The following ROBO1 variants were observed in gnomAD, a reference collection of about 807,000 sequenced individuals.
ROBO1 encodes the protein roundabout homolog 1.
ROBO1 carries 149 observed loss-of-function variants against 195.9 expected under a neutral mutation model. The observed-to-expected ratio is 0.76, with a 90% CI of 0.67 to 0.87. The LOEUF (loss-of-function observed/expected upper bound fraction) is 0.87, where lower values mean the gene tolerates loss of function less well. Among genes scored for constraint, ROBO1 ranks in the 40% least tolerant of loss-of-function variants. The probability of loss-of-function intolerance (pLI) is 0.00; values close to 1 mark genes in which losing one functional copy is unlikely to be tolerated. For missense variants in ROBO1, 1,933 were observed against 2,068.3 expected (o/e 0.93, Z 1.27); for synonymous variants, 816 against 733.2 (o/e 1.11, Z -1.82).
At chr3:78,634,550 A>T in intron 23 of ROBO1, 1 of 324,840 alleles carries the variant, frequency 3.1e-6, no homozygotes, top group Non-Finnish European at 6.5e-6. Flanking sequence ...GCTTACAAGC[A>T]GTATAAACAA....
At chr3:78,860,302 C>CTCTA (rs2034735528) in intron 4 of ROBO1, among the ~76,000 whole-genome samples, 1 of 104,752 alleles carries the variant, frequency 9.5e-6, no homozygotes, top group East Asian at 2.7e-4. Flanking sequence ...TTGAAATATA[C>CTCTA]TATATATATA....
chr3:78,886,614 T>C (rs538442489), intron 4 of ROBO1, among the ~76,000 whole-genome samples: 1 of 151,272 alleles, frequency 6.6e-6, no homozygotes, highest in East Asian at 1.9e-4. Context: ...AAAATTGTAC[T>C]CTGCACTTGT....
intron 10 of ROBO1, among the ~76,000 whole-genome samples, chr3:78,680,867 T>G (rs1387330434): frequency 6.7e-6 from 1 of 149,508 alleles, no homozygotes; most frequent in Non-Finnish European, 1.5e-5. Context: ...CATGCTGCTA[T>G]AAAGACACAT....
At chr3:78,872,466 C>G (rs368859383) in intron 4 of ROBO1, among the ~76,000 whole-genome samples, 3 of 152,320 alleles carry the variant, frequency 2.0e-5, no homozygotes, top group South Asian at 4.1e-4. Context: ...GGAATCCTAA[C>G]GGACTGGGAA....
intron 2 of ROBO1, among the ~76,000 whole-genome samples, chr3:79,177,441 A>G (rs2081276710): frequency 6.6e-6 from 1 of 152,088 alleles, no homozygotes; most frequent in East Asian, 1.9e-4. Context: ...GGGGCTAGGG[A>G]TATATAGGAT....
chr3:78,816,683 A>G (rs2029971143), intron 4 of ROBO1, among the ~76,000 whole-genome samples: 1 of 152,172 alleles, frequency 6.6e-6, no homozygotes, highest in Non-Finnish European at 1.5e-5. Context: ...AATGACACTG[A>G]GGGGCTTAAG....
intron 4 of ROBO1, among the ~76,000 whole-genome samples, chr3:78,914,119 A>T (rs955058599): frequency 6.6e-6 from 1 of 152,172 alleles, no homozygotes; most frequent in Non-Finnish European, 1.5e-5. Flanking sequence ...ATGGGCCGTT[A>T]TTTCTTCACT....
intron 4 of ROBO1, among the ~76,000 whole-genome samples, chr3:78,880,293 T>C (rs2036105412): frequency 6.6e-6 from 1 of 152,196 alleles, no homozygotes; most frequent in Non-Finnish European, 1.5e-5. Flanking sequence ...ATTTAAGATG[T>C]TAACAATTAA....
chr3:79,100,748 A>G (rs746074403), intron 3 of ROBO1, among the ~76,000 whole-genome samples: 4 of 151,812 alleles, frequency 2.6e-5, no homozygotes, highest in African/African-American at 9.7e-5. Context: ...TATTCTAGGA[A>G]GGTCTCTAAT....
intron 4 of ROBO1, among the ~76,000 whole-genome samples, chr3:78,886,748 T>C (rs180920620): frequency 2.4e-4 from 37 of 152,172 alleles, no homozygotes; most frequent in Non-Finnish European, 2.8e-4. Flanking sequence ...TGAAGCCCCA[T>C]TGAAATAATA....
At chr3:78,974,096 G>A (rs182496645) in intron 3 of ROBO1, among the ~76,000 whole-genome samples, 5 of 151,940 alleles carry the variant, frequency 3.3e-5, no homozygotes, top group Admixed American at 1.3e-4. Flanking sequence ...CATCATTAGC[G>A]AATAATTTTT....
At chr3:78,814,121 C>A (rs1251857787) in intron 4 of ROBO1, among the ~76,000 whole-genome samples, 1 of 151,818 alleles carries the variant, frequency 6.6e-6, no homozygotes, top group African/African-American at 2.4e-5. Context: ...ACTGATGGAC[C>A]TTTTTTACTC....
rs867501501 is a variant in ROBO1 at position 78,968,424 on chromosome 3, T to C, written c.173-29497A>G. On this transcript the variant is annotated intron_variant, in intron 3 of 30. Coordinates refer to ENST00000464233, the MANE Select transcript of ROBO1 (RefSeq NM_002941.4). ...GGATTATAGGTGTGCGCCACTCACATGGTGAAATTAGCAAGCCCAGCTACT... is the reference window on the plus strand; with the variant it reads ...GGATTATAGGTGTGCGCCACTCACACGGTGAAATTAGCAAGCCCAGCTACT... 5.3e-5 allele frequency among the ~76,000 whole-genome samples: 8 copies of C among 152,008 alleles called. No homozygotes were observed. The South Asian group carries it at 1.7e-3, about 32-fold the overall frequency.
At chr3:78,867,316 T>A (rs990707495) in intron 4 of ROBO1, among the ~76,000 whole-genome samples, 1 of 152,176 alleles carries the variant, frequency 6.6e-6, no homozygotes, top group African/African-American at 2.4e-5. Flanking sequence ...TTATATCTCC[T>A]TTCATTCTCA....
intron 2 of ROBO1, among the ~76,000 whole-genome samples, chr3:79,523,348 A>G (rs1291800454): frequency 6.6e-6 from 1 of 152,080 alleles, no homozygotes; most frequent in African/African-American, 2.4e-5. Context: ...TCAAAATAAC[A>G]GGTTCTACAT....
chr3:79,564,076 G>GATGGAGTTGGAATTGGAATTGGA (rs1376043109), intron 2 of ROBO1, among the ~76,000 whole-genome samples: 8 of 150,156 alleles, frequency 5.3e-5, no homozygotes, highest in Admixed American at 4.7e-4. Context: ...AGTTTGAAAA[G>GATGGAGTTGGAATTGGAATTGGA]ACTCCAATTC....
intron 27 of ROBO1, 108 bp from the exon 28 acceptor site, chr3:78,614,908 T>C (rs1251657063): frequency 4.3e-6 from 5 of 1,166,322 alleles, no homozygotes; most frequent in Non-Finnish European, 5.8e-6. Flanking sequence ...TTAATTTTTC[T>C]GAAAAGCAAC....
intron 2 of ROBO1, among the ~76,000 whole-genome samples, chr3:79,458,617 G>C (rs11922113): frequency 6.6e-6 from 1 of 151,560 alleles, no homozygotes; most frequent in Non-Finnish European, 1.5e-5. Context: ...GCAAAAATAC[G>C]AATCTAAGAA....
intron 2 of ROBO1, among the ~76,000 whole-genome samples, chr3:79,496,880 A>G (rs1939777198): frequency 6.6e-6 from 1 of 152,206 alleles, no homozygotes. Context: ...TGATTGCATT[A>G]AAATGTACAT....
Sources: gnomAD v4.1 joint callset for allele counts (sites outside exome capture counted in the v4.1 genomes callset) on GRCh38, gnomAD v4.1.1 for gene constraint, MANE v1.5 for transcripts, NCBI Gene and HGNC (gene_info 2026-07-23, HGNC 2026-07-21) for gene names.